PIK3C3: variants seen among roughly 807,000 people sequenced by gnomAD.
PIK3C3 encodes phosphatidylinositol 3-kinase catalytic subunit type 3, also known as PI3-kinase type 3.
Under a neutral mutation model 126.1 loss-of-function variants are expected in PIK3C3, and 95 were observed. That is an observed-to-expected ratio of 0.75 (90% CI 0.64 to 0.89). The LOEUF is 0.89. Among genes scored for constraint, PIK3C3 ranks in the 40% least tolerant of loss-of-function variants. The probability of loss-of-function intolerance (pLI) is 0.00; values close to 1 mark genes in which losing one functional copy is unlikely to be tolerated. For synonymous variants in PIK3C3, 374 were observed against 360.0 expected, an observed-to-expected ratio of 1.04 and a Z score of -0.44; for missense variants, 829 against 1,063.2, an observed-to-expected ratio of 0.78 and a Z score of 3.06.
intron 16 of PIK3C3, among the ~76,000 whole-genome samples, chr18:42,035,331 A>G (rs1984001281): frequency 1.3e-5 from 2 of 152,190 alleles, no homozygotes; most frequent in African/African-American, 4.8e-5. Context: ...TGAATTAAAA[A>G]AGTAATTTTA....
chr18:42,011,537 C>T (rs1233968485), intron 10 of PIK3C3, among the ~76,000 whole-genome samples: 1 of 152,182 alleles, frequency 6.6e-6, no homozygotes, highest in Non-Finnish European at 1.5e-5. Flanking sequence ...GGCTTTCACC[C>T]ATGGGAATGT....
intron 19 of PIK3C3, among the ~76,000 whole-genome samples, chr18:42,041,588 TA>T (rs57481011): frequency 0.013 from 1,795 of 133,496 alleles, 25 homozygotes; most frequent in African/African-American, 0.032. Flanking sequence ...CTTCCCTTTG[TA>T]AAAAAAAAAA....
chr18:42,020,664 G>A lies in PIK3C3; in HGVS notation c.1443G>A (p.Ser481=), dbSNP rs1046827409. The A allele has an allele frequency of 1.4e-5, 22 of 1,603,162 alleles. No individual in the cohort carries two copies. The highest frequency in any genetic ancestry group is 1.7e-4 in the Middle Eastern group (1 of 6,018). Reference sequence around the variant, plus strand: ...AAGATCTCTGTACCTTCTTGATATCGAGAGCCTGCAAAAACTCAACACTGG... The same window carrying A: ...AAGATCTCTGTACCTTCTTGATATCAAGAGCCTGCAAAAACTCAACACTGG... ...LEQDLCTFLI[S]RACKNSTLAN... is the part of the protein sequence containing the mutation. Residue 481 remains serine, a synonymous_variant, in exon 13 of 25, where the codon TCG becomes TCA. Coordinates refer to ENST00000262039, the MANE Select transcript of PIK3C3 (RefSeq NM_002647.4).
intron 24 of PIK3C3, among the ~76,000 whole-genome samples, chr18:42,074,899 T>C (rs1441872814): frequency 1.3e-5 from 2 of 152,136 alleles, no homozygotes; most frequent in East Asian, 1.9e-4. Flanking sequence ...TAGTTTTAAA[T>C]TGTGTTTTAC....
intron 20 of PIK3C3, among the ~76,000 whole-genome samples, chr18:42,048,031 A>G (rs1257947174): frequency 1.3e-5 from 2 of 152,188 alleles, no homozygotes; most frequent in Non-Finnish European, 2.9e-5. Context: ...TAAACTTTAC[A>G]AAAACTGAGG....
chr18:42,045,434 C>G (rs138857396), intron 20 of PIK3C3, among the ~76,000 whole-genome samples: 34 of 152,292 alleles, frequency 2.2e-4, no homozygotes, highest in Non-Finnish European at 3.7e-4. Context: ...AAAGGCTCAA[C>G]TAGGCTGAAC....
intron 24 of PIK3C3, among the ~76,000 whole-genome samples, chr18:42,068,949 C>CAAAAAAAAA (rs35657662): frequency 1.2e-5 from 1 of 82,252 alleles, no homozygotes. Context: ...GACTCCGTCT[C>CAAAAAAAAA]AAAAAAAAAA....
At chr18:42,058,367 C>T (rs1257420814) in intron 22 of PIK3C3, among the ~76,000 whole-genome samples, 5 of 152,260 alleles carry the variant, frequency 3.3e-5, no homozygotes, top group Non-Finnish European at 7.4e-5. Context: ...ATAAAGTATA[C>T]TTTGACAGTA....
At chr18:41,973,604 T>TA (rs1980774941) in intron 4 of PIK3C3, among the ~76,000 whole-genome samples, 1 of 152,148 alleles carries the variant, frequency 6.6e-6, no homozygotes. Flanking sequence ...AACTTGTTCT[T>TA]ACAGTTGTGC....
intron 22 of PIK3C3, among the ~76,000 whole-genome samples, chr18:42,058,870 C>G (rs927721216): frequency 6.6e-6 from 1 of 152,160 alleles, no homozygotes; most frequent in Non-Finnish European, 1.5e-5. Context: ...TTTTCTTAGT[C>G]CAGCAGAAAA....
chr18:42,041,766 C>A (rs1254659040), intron 19 of PIK3C3, among the ~76,000 whole-genome samples: 1 of 152,092 alleles, frequency 6.6e-6, no homozygotes, highest in African/African-American at 2.4e-5. Flanking sequence ...TACTCTGATT[C>A]TTTTGCAAAG....
intron 9 of PIK3C3, among the ~76,000 whole-genome samples, chr18:41,996,983 G>A (rs554058167): frequency 6.6e-6 from 1 of 152,230 alleles, no homozygotes; most frequent in East Asian, 1.9e-4. Flanking sequence ...TTTTCCAGAA[G>A]TACATTTTAC....
intron 11 of PIK3C3, among the ~76,000 whole-genome samples, chr18:42,014,005 A>G (rs1982952448): frequency 6.6e-6 from 1 of 152,112 alleles, no homozygotes; most frequent in Non-Finnish European, 1.5e-5. Context: ...TTACTTATTT[A>G]TGTTAAAATG....
At chr18:42,075,347 C>T (rs1305330381) in intron 24 of PIK3C3, among the ~76,000 whole-genome samples, 1 of 152,040 alleles carries the variant, frequency 6.6e-6, no homozygotes, top group African/African-American at 2.4e-5. Context: ...TGAGATGATT[C>T]CCTTACCAGT....
At chr18:41,981,980 TC>T in intron 4 of PIK3C3, among the ~76,000 whole-genome samples, 1 of 151,270 alleles carries the variant, frequency 6.6e-6, no homozygotes, top group East Asian at 1.9e-4. Context: ...TGAGACCCTG[TC>T]TCAAAAAAAA....
chr18:41,963,134 G>C (rs887845382), intron 3 of PIK3C3, among the ~76,000 whole-genome samples: 1 of 151,226 alleles, frequency 6.6e-6, no homozygotes, highest in Non-Finnish European at 1.5e-5. Flanking sequence ...TCTCTATATC[G>C]TTTTTCTCCT....
At chr18:42,038,583 A>G (rs896471433) in intron 17 of PIK3C3, among the ~76,000 whole-genome samples, 198 bp from the exon 18 acceptor site, 2 of 152,030 alleles carry the variant, frequency 1.3e-5, no homozygotes, top group Non-Finnish European at 2.9e-5. Flanking sequence ...ACCTCAGGTG[A>G]TCCACCCGCC....
At position 42,029,319 on chromosome 18, in the gene PIK3C3, C is replaced by T. The variant is rs1983714143; in HGVS notation, c.1591-6C>T. 1.9e-6 allele frequency: 3 copies of T among 1,600,188 alleles called. No individual in the cohort carries two copies. The highest frequency in any genetic ancestry group is 2.6e-6 in the Non-Finnish European group (3 of 1,167,664). ...AACTAATTTTTTCTCACTTTGAACC[C>T]TTCAGGGTGATAAGTCTGTCAGAGT... On this transcript the variant is annotated splice_polypyrimidine_tract_variant and splice_region_variant and intron_variant, in intron 14 of 24. Coordinates refer to ENST00000262039, the MANE Select transcript of PIK3C3 (RefSeq NM_002647.4).
At chr18:41,977,639 C>T (rs1355013110) in intron 4 of PIK3C3, among the ~76,000 whole-genome samples, 2 of 152,012 alleles carry the variant, frequency 1.3e-5, no homozygotes, top group Admixed American at 6.6e-5. Flanking sequence ...AGGTGCGTGC[C>T]GCCATGCCCG....
Sources: allele counts gnomAD v4.1 joint callset (sites outside exome capture counted in the v4.1 genomes callset), GRCh38; gene constraint gnomAD v4.1.1; transcripts MANE v1.5; gene names NCBI Gene and HGNC (gene_info 2026-07-23, HGNC 2026-07-21).